Variants in NALF1 observed in about 807,000 individuals in gnomAD.
The protein encoded by NALF1 is family with sequence similarity 155 member A.
A neutral mutation model predicts 48.4 loss-of-function variants in NALF1; 3 were observed. The ratio of observed to expected loss-of-function variants is 0.06; its 90% CI spans 0.03 to 0.16. The LOEUF (loss-of-function observed/expected upper bound fraction) is 0.16. Ranked by LOEUF, NALF1 falls within the 10% of genes least tolerant of loss-of-function variation. The pLI is 1.00. For synonymous variants in NALF1, 262 were observed against 245.7 expected (o/e 1.07, Z -0.62); for missense variants, 526 against 571.5 (o/e 0.92, Z 0.81).
intron 1 of NALF1, among the ~76,000 whole-genome samples, chr13:107,478,382 T>C (rs1392989823): frequency 6.7e-6 from 1 of 150,272 alleles, no homozygotes; most frequent in African/African-American, 2.5e-5. Flanking sequence ...TGTAATTTGG[T>C]TAGTTAACAT....
intron 1 of NALF1, among the ~76,000 whole-genome samples, chr13:107,689,931 C>T (rs1282938247): frequency 1.3e-5 from 2 of 152,152 alleles, no homozygotes; most frequent in Non-Finnish European, 2.9e-5. Flanking sequence ...GCTTAACTTG[C>T]ACCTTTTTTA....
chr13:107,499,886 A>G (rs1376336586), intron 1 of NALF1, among the ~76,000 whole-genome samples: 2 of 152,158 alleles, frequency 1.3e-5, no homozygotes, highest in Non-Finnish European at 2.9e-5. Context: ...TTATTTTAAA[A>G]TAATATGCTG....
At chr13:107,472,934 C>A (rs527419320) in intron 1 of NALF1, among the ~76,000 whole-genome samples, 1 of 152,138 alleles carries the variant, frequency 6.6e-6, no homozygotes, top group Non-Finnish European at 1.5e-5. Context: ...TGGGGAGAAA[C>A]AGAAGCATGC....
intron 1 of NALF1, among the ~76,000 whole-genome samples, chr13:107,560,150 C>G (rs1169912786): frequency 6.6e-6 from 1 of 152,046 alleles, no homozygotes; most frequent in South Asian, 2.1e-4. Flanking sequence ...TTGAAACGCC[C>G]GTAGAATTTT....
chr13:107,629,285 G>A (rs983613695), intron 1 of NALF1, among the ~76,000 whole-genome samples: 1 of 152,122 alleles, frequency 6.6e-6, no homozygotes, highest in Non-Finnish European at 1.5e-5. Flanking sequence ...ACATCATTCT[G>A]TTCTCACCCA....
intron 1 of NALF1, among the ~76,000 whole-genome samples, chr13:107,266,996 T>A (rs928111094): frequency 6.6e-6 from 1 of 152,174 alleles, no homozygotes; most frequent in African/African-American, 2.4e-5. Context: ...ACCGAGCCAG[T>A]GTTACTTCAT....
At chr13:107,796,426 G>A (rs1302634675) in intron 1 of NALF1, among the ~76,000 whole-genome samples, 1 of 152,070 alleles carries the variant, frequency 6.6e-6, no homozygotes, top group South Asian at 2.1e-4. Context: ...ATTATTTTCT[G>A]AGCATTTTTA....
intron 1 of NALF1, among the ~76,000 whole-genome samples, chr13:107,673,591 G>C (rs182079688): frequency 3.4e-4 from 52 of 152,272 alleles, no homozygotes; most frequent in Non-Finnish European, 6.3e-4. Context: ...ACTGCAGCTA[G>C]ATACAAGGAA....
At chr13:107,839,372 T>C in intron 1 of NALF1, among the ~76,000 whole-genome samples, 1 of 146,972 alleles carries the variant, frequency 6.8e-6, no homozygotes, top group Admixed American at 6.9e-5. Flanking sequence ...TCTAGTATGC[T>C]TCTGCTTCCA....
At chr13:107,319,208 T>C (rs1160579493) in intron 1 of NALF1, among the ~76,000 whole-genome samples, 1 of 151,994 alleles carries the variant, frequency 6.6e-6, no homozygotes, top group Non-Finnish European at 1.5e-5. Context: ...CCATCAGGGT[T>C]GGGGTGGTGG....
intron 1 of NALF1, among the ~76,000 whole-genome samples, chr13:107,213,230 CAAAAA>C (rs386380636): frequency 2.4e-4 from 25 of 103,364 alleles, no homozygotes; most frequent in Middle Eastern, 6.7e-3. Context: ...TTTTTTAACT[CAAAAA>C]AAAAAAAAAA....
chr13:107,398,606 G>A (rs1458235846), intron 1 of NALF1, among the ~76,000 whole-genome samples: 1 of 152,050 alleles, frequency 6.6e-6, no homozygotes, highest in African/African-American at 2.4e-5. Context: ...TGTTCCCAAT[G>A]CAAATTATGT....
intron 1 of NALF1, among the ~76,000 whole-genome samples, chr13:107,753,719 T>A (rs1316595918): frequency 1.3e-5 from 2 of 152,166 alleles, no homozygotes; most frequent in Non-Finnish European, 2.9e-5. Flanking sequence ...ACATTGAAAG[T>A]AAACTTTATA....
intron 1 of NALF1, among the ~76,000 whole-genome samples, chr13:107,818,694 A>G (rs1357818462): frequency 4.7e-5 from 7 of 150,430 alleles, no homozygotes; most frequent in African/African-American, 9.8e-5. Flanking sequence ...AACACGGTGA[A>G]ACCCCGTCTC....
intron 1 of NALF1, among the ~76,000 whole-genome samples, chr13:107,790,259 A>T (rs1400548412): frequency 2.6e-5 from 4 of 152,226 alleles, no homozygotes; most frequent in Non-Finnish European, 4.4e-5. Context: ...AAAAGTATTA[A>T]ACATAACATG....
At chr13:107,306,454 A>C (rs1881938239) in intron 1 of NALF1, among the ~76,000 whole-genome samples, 1 of 152,176 alleles carries the variant, frequency 6.6e-6, no homozygotes, top group African/African-American at 2.4e-5. Flanking sequence ...TGGTATTAAT[A>C]ATGAAATCTG....
intron 1 of NALF1, among the ~76,000 whole-genome samples, chr13:107,371,195 C>A (rs1231336077): frequency 6.6e-6 from 1 of 152,026 alleles, no homozygotes; most frequent in African/African-American, 2.4e-5. Context: ...GCTTATAATC[C>A]CAGCACTTTG....
intron 1 of NALF1, among the ~76,000 whole-genome samples, chr13:107,216,994 A>G (rs1314215067): frequency 6.6e-6 from 1 of 152,210 alleles, no homozygotes; most frequent in Non-Finnish European, 1.5e-5. Context: ...GCATTTGTCA[A>G]TATGTCTCCA....
At chr13:107,330,662 C>CTG (rs1345472602) in intron 1 of NALF1, among the ~76,000 whole-genome samples, 1 of 152,196 alleles carries the variant, frequency 6.6e-6, no homozygotes, top group Non-Finnish European at 1.5e-5. Flanking sequence ...AGCCGCGGGG[C>CTG]TGTGTCACCA....
Sources: gnomAD v4.1 joint callset for allele counts (sites outside exome capture counted in the v4.1 genomes callset) on GRCh38, gnomAD v4.1.1 for gene constraint, MANE v1.5 for transcripts, NCBI Gene and HGNC (gene_info 2026-07-23, HGNC 2026-07-21) for gene names.